STARD10: variants seen among roughly 807,000 people sequenced by gnomAD.
The protein encoded by STARD10 is START domain-containing protein 10.
In STARD10, 24 loss-of-function variants were observed where a neutral mutation model predicts 36.0. That is an observed-to-expected ratio of 0.67 (90% CI 0.48 to 0.94). STARD10 has a LOEUF of 0.94. STARD10 is among the 40% of genes least tolerant of loss of function. STARD10 has a pLI of 0.00. For missense variants in STARD10, 335 were observed against 396.6 expected (o/e 0.84, Z 1.32); for synonymous variants, 156 against 161.9 (o/e 0.96, Z 0.28).
At chr11:72,757,279 G>A (rs2135607808) in intron 5 of STARD10, among the ~76,000 whole-genome samples, 1 of 152,306 alleles carries the variant, frequency 6.6e-6, no homozygotes, top group Non-Finnish European at 1.5e-5. Flanking sequence ...TAGGAGGAAA[G>A]ATGGCGAGTT....
At chr11:72,784,482 A>G (rs1485890302) in intron 1 of STARD10, among the ~76,000 whole-genome samples, 1 of 152,226 alleles carries the variant, frequency 6.6e-6, no homozygotes, top group Non-Finnish European at 1.5e-5. Flanking sequence ...ATAAGTAACT[A>G]AAAATATAAC....
Position 72,781,803 on chromosome 11 carries a change from C to T in STARD10, c.-113-509G>A, listed in dbSNP as rs1859002801. 6.8e-6 allele frequency: 1 copy of T among 147,122 alleles called. No individual in the cohort carries two copies. The highest frequency in any genetic ancestry group is 2.1e-4 in the South Asian group (1 of 4,726). 9.1% of individuals were successfully genotyped at this position (147,122 alleles called of 1,614,324 possible). ...CGCCGCCCGGCCCCGCCCCGGGCCCCAGCCCCGCGCGCCCCTCCCGGCTAG... is the reference window on the plus strand; with the variant it reads ...CGCCGCCCGGCCCCGCCCCGGGCCCTAGCCCCGCGCGCCCCTCCCGGCTAG... On this transcript the variant is annotated intron_variant, in intron 1 of 6. Coordinates refer to ENST00000334805, the MANE Select transcript of STARD10 (RefSeq NM_006645.3). The surrounding 1 kb of genome is among the most constrained non-coding windows in gnomAD (Gnocchi z 4.7).
intron 2 of STARD10, among the ~76,000 whole-genome samples, chr11:72,778,647 T>A (rs1256362980): frequency 6.6e-6 from 1 of 152,114 alleles, no homozygotes; most frequent in Non-Finnish European, 1.5e-5. Flanking sequence ...GGAGGCACCC[T>A]GCAGGGAGAA....
chr11:72,775,474 T>G (rs931786092), intron 2 of STARD10, among the ~76,000 whole-genome samples: 4 of 152,060 alleles, frequency 2.6e-5, no homozygotes, highest in East Asian at 3.9e-4. Flanking sequence ...ATTCTCCAAA[T>G]GTACTACCCT....
intron 5 of STARD10, among the ~76,000 whole-genome samples, chr11:72,757,135 A>G (rs1858655721): frequency 7.2e-6 from 1 of 138,006 alleles, no homozygotes; most frequent in African/African-American, 2.9e-5. Flanking sequence ...ACAAGAGTGA[A>G]ACTCTGTCTC....
chr11:72,787,342 C>T (rs962987749), intron 1 of STARD10, among the ~76,000 whole-genome samples: 1 of 152,204 alleles, frequency 6.6e-6, no homozygotes, highest in Non-Finnish European at 1.5e-5. Flanking sequence ...GCCGTTGCCT[C>T]CCCTAGGCTC....
At chr11:72,764,850 G>A (rs1004904236) in intron 2 of STARD10, among the ~76,000 whole-genome samples, 11 of 152,302 alleles carry the variant, frequency 7.2e-5, no homozygotes, top group East Asian at 1.9e-4. Context: ...GGCTGCCCCC[G>A]GAGAAACTCC....
At chr11:72,786,619 T>C (rs1246369769) in intron 1 of STARD10, among the ~76,000 whole-genome samples, 1 of 152,140 alleles carries the variant, frequency 6.6e-6, no homozygotes, top group Non-Finnish European at 1.5e-5. Context: ...TCAGTGCAGG[T>C]CAGGGTCACC....
At chr11:72,765,124 G>A (rs1028238512) in intron 2 of STARD10, among the ~76,000 whole-genome samples, 7 of 152,096 alleles carry the variant, frequency 4.6e-5, no homozygotes, top group South Asian at 2.1e-4. Flanking sequence ...AAAATTAGCC[G>A]GGGTGGTGGC....
intron 4 of STARD10, among the ~76,000 whole-genome samples, chr11:72,758,129 G>A (rs1416500372): frequency 1.3e-5 from 2 of 152,186 alleles, no homozygotes; most frequent in Non-Finnish European, 2.9e-5. Flanking sequence ...CAGGGCTCAT[G>A]AGCACATATG....
chr11:72,774,833 G>T (rs1858909734), intron 2 of STARD10, among the ~76,000 whole-genome samples: 1 of 152,242 alleles, frequency 6.6e-6, no homozygotes, highest in South Asian at 2.1e-4. Flanking sequence ...GCTCCAAGTG[G>T]CCCAGCCAGG....
intron 4 of STARD10, 38 bp from the exon 5 acceptor site, chr11:72,757,922 G>C (rs1267708833): frequency 1.3e-6 from 2 of 1,582,702 alleles, no homozygotes; most frequent in Non-Finnish European, 1.7e-6. Context: ...GACTCGGGGT[G>C]GGGGCAAAGA....
intron 3 of STARD10, 180 bp downstream of exon 3, chr11:72,759,054 A>T: frequency 6.1e-6 from 4 of 655,218 alleles, no homozygotes; most frequent in South Asian, 5.7e-5. Context: ...TTGTAAGTGT[A>T]TGGGTGTGTG....
Position 72,776,474 on chromosome 11 carries a change from C to T in STARD10, c.207+4501G>A, listed in dbSNP as rs534590237. 2.0e-5 allele frequency among the ~76,000 whole-genome samples: 3 copies of T among 152,308 alleles called. No individual in the cohort carries two copies. The South Asian group carries it at 6.2e-4, about 32-fold the overall frequency. Reference sequence around the variant, plus strand: ...ACTGGACTCTTGCCCAGCTGGGTCTCCTCTAAGGTGCCCTCCCACAATGAC... The same window carrying T: ...ACTGGACTCTTGCCCAGCTGGGTCTTCTCTAAGGTGCCCTCCCACAATGAC... On this transcript the variant is annotated intron_variant, in intron 2 of 6. Transcript: ENST00000334805.
chr11:72,764,252 C>G (rs771067376), intron 2 of STARD10, among the ~76,000 whole-genome samples: 61 of 152,198 alleles, frequency 4.0e-4, no homozygotes, highest in Non-Finnish European at 7.3e-5. Context: ...GCCCATGCTG[C>G]CCCATCCTCC....
rs1271296687 is a variant in STARD10, at chr11:72,759,277, G to A, written c.312C>T (p.Asp104=). 3 of 1,614,160 alleles carry A rather than the reference G, an allele frequency of 1.9e-6. No homozygotes were observed. Among genetic ancestry groups the A allele is most frequent in the Non-Finnish European group, 2.5e-6 (3 of 1,180,032 alleles). ...KWDSNVIETF[D]IARLTVNADV... is the part of the protein sequence containing the mutation. ...CAGCGTTGACTGTCAAGCGGGCGATGTCAAAAGTCTCAATGACGTTGCTGT... is the reference window on the plus strand; with the variant it reads ...CAGCGTTGACTGTCAAGCGGGCGATATCAAAAGTCTCAATGACGTTGCTGT... The change falls in exon 3 of 7, where the codon GAC becomes GAT. Residue 104 remains aspartate (D), a synonymous_variant. Coordinates refer to ENST00000334805, the MANE Select transcript of STARD10 (RefSeq NM_006645.3).
intron 5 of STARD10, among the ~76,000 whole-genome samples, chr11:72,756,203 C>G (rs2135606985): frequency 6.6e-6 from 1 of 152,274 alleles, no homozygotes; most frequent in Middle Eastern, 3.4e-3. Flanking sequence ...CCCAGCCTGG[C>G]CTGACCTGGA....
intron 2 of STARD10, among the ~76,000 whole-genome samples, chr11:72,760,895 T>C (rs1858706604): frequency 6.6e-6 from 1 of 151,938 alleles, no homozygotes; most frequent in South Asian, 2.1e-4. Context: ...TTTTCTTGTG[T>C]AGTTTAAAAA....
At chr11:72,787,779 A>C (rs970117745) in intron 1 of STARD10, among the ~76,000 whole-genome samples, 1 of 152,206 alleles carries the variant, frequency 6.6e-6, no homozygotes, top group Non-Finnish European at 1.5e-5. Context: ...AGGAAGGACA[A>C]GGTTGTCTAG....
Sources: gnomAD v4.1 joint callset for allele counts (sites outside exome capture counted in the v4.1 genomes callset) on GRCh38, gnomAD v4.1.1 for gene constraint, Gnocchi (gnomAD v3.1) non-coding constraint, MANE v1.5 for transcripts, NCBI Gene and HGNC (gene_info 2026-07-23, HGNC 2026-07-21) for gene names.